TIAM1: variants seen among roughly 807,000 people sequenced by gnomAD.
TIAM1 encodes rho guanine nucleotide exchange factor TIAM1.
A neutral mutation model predicts 163.5 loss-of-function variants in TIAM1; 65 were observed. The ratio of observed to expected loss-of-function variants is 0.40; its 90% CI spans 0.33 to 0.49. TIAM1 has a LOEUF of 0.49. Ranked by LOEUF, TIAM1 falls within the 20% of genes least tolerant of loss-of-function variation. TIAM1 has a pLI of 0.77. For synonymous variants in TIAM1, 833 were observed against 810.1 expected (o/e 1.03, Z -0.48); for missense variants, 1,789 against 2,044.7 (o/e 0.87, Z 2.41).
intron 9 of TIAM1, among the ~76,000 whole-genome samples, chr21:31,213,784 C>T (rs1304691679): frequency 6.8e-6 from 1 of 146,334 alleles, no homozygotes; most frequent in Non-Finnish European, 1.5e-5. Flanking sequence ...ATCCCTAGCA[C>T]TTTGGGAAGC....
chr21:31,418,035 C>T (rs114100178), intron 2 of TIAM1, among the ~76,000 whole-genome samples: 7,924 of 152,150 alleles, frequency 0.052, 389 homozygotes, highest in African/African-American at 0.13. Flanking sequence ...AGGTACTGAG[C>T]AGAGTGACAC....
intron 16 of TIAM1, among the ~76,000 whole-genome samples, chr21:31,159,735 G>T (rs919851002): frequency 1.3e-5 from 2 of 152,204 alleles, no homozygotes; most frequent in African/African-American, 4.8e-5. Flanking sequence ...TTGATTAAAT[G>T]ACACAACATC....
chr21:31,187,900 G>A (rs1391120739), intron 13 of TIAM1, among the ~76,000 whole-genome samples: 1 of 152,120 alleles, frequency 6.6e-6, no homozygotes, highest in Non-Finnish European at 1.5e-5. Flanking sequence ...ACTTTGCTAA[G>A]GGAAAGAAAT....
At chr21:31,490,935 G>C (rs2046445964) in intron 1 of TIAM1, among the ~76,000 whole-genome samples, 1 of 152,138 alleles carries the variant, frequency 6.6e-6, no homozygotes, top group Non-Finnish European at 1.5e-5. Flanking sequence ...GACCAGCCTG[G>C]CCAACATGGT....
chr21:31,430,356 C>G (rs2043982554), intron 2 of TIAM1, among the ~76,000 whole-genome samples: 2 of 150,634 alleles, frequency 1.3e-5, no homozygotes, highest in Non-Finnish European at 2.9e-5. Flanking sequence ...CTGATAATTA[C>G]CATACATGCA....
At chr21:31,421,538 G>A (rs535021888) in intron 2 of TIAM1, among the ~76,000 whole-genome samples, 8 of 152,306 alleles carry the variant, frequency 5.3e-5, no homozygotes, top group South Asian at 2.1e-4. Context: ...CGGCGCACGC[G>A]AGGGATCTAG....
At chr21:31,366,547 CAT>C (rs765791342) in intron 2 of TIAM1, among the ~76,000 whole-genome samples, 62 of 152,228 alleles carry the variant, frequency 4.1e-4, no homozygotes, top group Middle Eastern at 3.4e-3. Context: ...ACTATGTAGC[CAT>C]ATCCTACAGG....
intron 2 of TIAM1, among the ~76,000 whole-genome samples, chr21:31,392,114 T>A (rs2076974773): frequency 6.6e-6 from 1 of 152,176 alleles, no homozygotes; most frequent in Non-Finnish European, 1.5e-5. Context: ...TTCGGTAGAT[T>A]AGGTGTATTA....
chr21:31,284,454 G>C (rs536835805), intron 2 of TIAM1, among the ~76,000 whole-genome samples: 13 of 152,248 alleles, frequency 8.5e-5, no homozygotes, highest in Middle Eastern at 3.4e-3. Context: ...CACAGCAGGG[G>C]GGGTGGAGGG....
At chr21:31,304,668 A>G (rs1161539690) in intron 2 of TIAM1, among the ~76,000 whole-genome samples, 1 of 152,196 alleles carries the variant, frequency 6.6e-6, no homozygotes, top group Non-Finnish European at 1.5e-5. Flanking sequence ...AGAATATTGT[A>G]TCATTGGTAT....
intron 16 of TIAM1, among the ~76,000 whole-genome samples, chr21:31,160,250 T>C (rs2833313): frequency 0.1 from 15,803 of 152,144 alleles, 2,277 homozygotes; most frequent in African/African-American, 0.32. Context: ...ATACCAACTC[T>C]GAACCTCCCC....
At chr21:31,175,094 C>T (rs1017416343) in intron 15 of TIAM1, among the ~76,000 whole-genome samples, 1 of 152,122 alleles carries the variant, frequency 6.6e-6, no homozygotes, top group African/African-American at 2.4e-5. Context: ...CGGTGCACAC[C>T]ACCACGCCTG....
chr21:31,511,417 G>T (rs1462303057), intron 1 of TIAM1, among the ~76,000 whole-genome samples: 2 of 152,150 alleles, frequency 1.3e-5, no homozygotes, highest in African/African-American at 4.8e-5. Context: ...AGACTGCCTG[G>T]GTTCAGAACC....
intron 6 of TIAM1, among the ~76,000 whole-genome samples, chr21:31,237,377 TAGTTCTCTTG>T (rs1371326857): frequency 6.6e-6 from 1 of 152,216 alleles, no homozygotes; most frequent in African/African-American, 2.4e-5. Context: ...GCTTCCAAGG[TAGTTCTCTTG>T]AGCCTGACGA....
intron 8 of TIAM1, among the ~76,000 whole-genome samples, chr21:31,221,324 A>C (rs552657577): frequency 6.6e-6 from 1 of 152,364 alleles, no homozygotes; most frequent in South Asian, 2.1e-4. Flanking sequence ...CCAGACTTGT[A>C]TCACTGACAA....
chr21:31,234,122 C>T (rs1055407184), intron 6 of TIAM1, among the ~76,000 whole-genome samples: 4 of 152,024 alleles, frequency 2.6e-5, no homozygotes, highest in Non-Finnish European at 5.9e-5. Flanking sequence ...TGAAAGCCCC[C>T]AGCATGAAAG....
At position 31,340,489 on chromosome 21, in the gene TIAM1, C is replaced by T. The variant is rs112497802; in HGVS notation, c.-368-1067G>A. Among the ~76,000 whole-genome samples the T allele has an allele frequency of 4.2e-3, 638 of 152,264 alleles. 2 individuals are homozygous for T. The highest frequency in any genetic ancestry group is 6.7e-3 in the Non-Finnish European group (458 of 68,018). ...GGTCTGTGGCACGAAACTGCTATGG[C>T]AGTCACCAGCATCGTCTATCTTCAC... On this transcript the variant is annotated intron_variant, in intron 1 of 27. Coordinates refer to ENST00000541036, the MANE Select transcript of TIAM1 (RefSeq NM_001353694.2).
intron 6 of TIAM1, among the ~76,000 whole-genome samples, chr21:31,234,327 G>T (rs2088618496): frequency 6.8e-6 from 1 of 147,034 alleles, no homozygotes; most frequent in African/African-American, 2.6e-5. Flanking sequence ...AGAGGGGAAG[G>T]GAGGGAGGGA....
At chr21:31,440,478 A>T (rs1372840473) in intron 2 of TIAM1, among the ~76,000 whole-genome samples, 4 of 152,244 alleles carry the variant, frequency 2.6e-5, no homozygotes, top group Non-Finnish European at 5.9e-5. Flanking sequence ...TTTAAAAAAA[A>T]GTCACAACAC....
Sources: allele counts gnomAD v4.1 joint callset (sites outside exome capture counted in the v4.1 genomes callset), GRCh38; gene constraint gnomAD v4.1.1; transcripts MANE v1.5; gene names NCBI Gene and HGNC (gene_info 2026-07-23, HGNC 2026-07-21).